The following SP4 variants were observed in gnomAD, a reference collection of about 807,000 sequenced individuals.
SP4 encodes Sp4 transcription factor.
SP4 carries 19 observed loss-of-function variants against 72.8 expected under a neutral mutation model. The observed-to-expected ratio is 0.26, with a 90% confidence interval of 0.18 to 0.38. SP4 has a LOEUF of 0.38. SP4 is among the 10% of genes least tolerant of loss of function. The pLI is 1.00. For missense variants in SP4, 1,008 were observed against 926.3 expected (o/e 1.09, Z -1.14); for synonymous variants, 395 against 333.1 (o/e 1.19, Z -2.02).
intron 5 of SP4, among the ~76,000 whole-genome samples, chr7:21,495,835 A>C (rs929029196): frequency 6.6e-6 from 1 of 152,114 alleles, no homozygotes; most frequent in Non-Finnish European, 1.5e-5. Flanking sequence ...TTTATTTATT[A>C]CTCAAAATTG....
chr7:21,479,303 A>C (rs1784608815), intron 4 of SP4, among the ~76,000 whole-genome samples: 1 of 150,438 alleles, frequency 6.6e-6, no homozygotes, highest in Non-Finnish European at 1.5e-5. Context: ...TTTTACTCTT[A>C]CATTTAGGTC....
chr7:21,439,077 G>A (rs1463559891), intron 3 of SP4, among the ~76,000 whole-genome samples: 1 of 152,180 alleles, frequency 6.6e-6, no homozygotes, highest in Non-Finnish European at 1.5e-5. Context: ...TGGTTTCAGG[G>A]ATCCAGTGGG....
chr7:21,454,423 A>G (rs1783698622), intron 3 of SP4, among the ~76,000 whole-genome samples: 1 of 151,138 alleles, frequency 6.6e-6, no homozygotes, highest in Non-Finnish European at 1.5e-5. Context: ...TGGCTTGAAC[A>G]TCCCTCTTTT....
chr7:21,466,001 C>T (rs1380101143), intron 3 of SP4, among the ~76,000 whole-genome samples: 1 of 152,158 alleles, frequency 6.6e-6, no homozygotes, highest in Admixed American at 6.5e-5. Flanking sequence ...CTTCCCACTG[C>T]CTTCCCATTT....
At chr7:21,460,823 C>T (rs1347778094) in intron 3 of SP4, among the ~76,000 whole-genome samples, 2 of 152,012 alleles carry the variant, frequency 1.3e-5, no homozygotes, top group African/African-American at 2.4e-5. Context: ...CTGATTGGTG[C>T]ATTTACAAAC....
At chr7:21,457,764 TC>T (rs1328106569) in intron 3 of SP4, among the ~76,000 whole-genome samples, 2 of 152,098 alleles carry the variant, frequency 1.3e-5, no homozygotes, top group East Asian at 3.9e-4. Context: ...TATTTTTTTT[TC>T]AATAGGGGTG....
rs777097505 is a variant in SP4, at chr7:21,428,222, C to G, written c.-30C>G. ...CCCACCCACCTCTATCCCAGTGTCTCCGTCTGAGGGTTTGTCCTGTTAATG... is the reference window on the plus strand; with the variant it reads ...CCCACCCACCTCTATCCCAGTGTCTGCGTCTGAGGGTTTGTCCTGTTAATG... On this transcript the variant is annotated 5_prime_UTR_variant, in exon 1 of 6. Coordinates refer to ENST00000222584, the MANE Select transcript of SP4 (RefSeq NM_003112.5). 4.6e-6 allele frequency: 5 copies of G among 1,084,954 alleles called. No homozygotes were observed. In the African/African-American group the frequency reaches 6.7e-5, roughly 15 times the overall value. The allele number at this position is 1,084,954 out of a possible 1,614,324, so 67.2% of individuals were successfully genotyped here. A position where few individuals can be genotyped will look rare whatever the true frequency, so the allele number is the denominator to read the frequency against.
At chr7:21,485,405 A>G (rs1784786788) in intron 5 of SP4, among the ~76,000 whole-genome samples, 1 of 151,964 alleles carries the variant, frequency 6.6e-6, no homozygotes, top group South Asian at 2.1e-4. Context: ...AGAAAAGTTT[A>G]CTGTAATAAG....
chr7:21,487,076 T>C (rs560886281), intron 5 of SP4, among the ~76,000 whole-genome samples: 2 of 152,348 alleles, frequency 1.3e-5, no homozygotes, highest in Non-Finnish European at 2.9e-5. Context: ...TTTATTTACA[T>C]TGGTATGGTC....
At chr7:21,475,672 C>T (rs1784479488) in intron 3 of SP4, among the ~76,000 whole-genome samples, 1 of 152,040 alleles carries the variant, frequency 6.6e-6, no homozygotes, top group African/African-American at 2.4e-5. Context: ...ACCATGTTAG[C>T]CAGGATGGTC....
chr7:21,462,926 A>G (rs1188974168), intron 3 of SP4, among the ~76,000 whole-genome samples: 1 of 152,262 alleles, frequency 6.6e-6, no homozygotes, highest in East Asian at 1.9e-4. Flanking sequence ...GCTGTTCAAT[A>G]TGAAAGCCGT....
intron 5 of SP4, among the ~76,000 whole-genome samples, chr7:21,489,281 A>G (rs1226938868): frequency 6.6e-6 from 1 of 152,214 alleles, no homozygotes; most frequent in Non-Finnish European, 1.5e-5. Flanking sequence ...ATCAAAACAG[A>G]TGAAACAGAA....
At chr7:21,438,256 G>T (rs1783115244) in intron 3 of SP4, among the ~76,000 whole-genome samples, 1 of 152,008 alleles carries the variant, frequency 6.6e-6, no homozygotes, top group Non-Finnish European at 1.5e-5. Context: ...AAAATTTAAG[G>T]TCTATGAAAT....
At position 21,445,982 on chromosome 7, in the gene SP4, ATGTGTATG is replaced by A. The variant is rs747934670; in HGVS notation, c.1678+15145_1678+15152del. Among the ~76,000 whole-genome samples the A allele has an allele frequency of 7.0e-3, 710 of 100,918 alleles. 2 individuals are homozygous for A. The highest frequency in any genetic ancestry group is 0.025 in the African/African-American group (627 of 24,704). 66.2% of individuals were successfully genotyped at this position (100,918 alleles called of 152,430 possible). On this transcript the variant is annotated intron_variant, in intron 3 of 5. Coordinates refer to ENST00000222584, the MANE Select transcript of SP4 (RefSeq NM_003112.5). ...TGATCGAGTTCATTTTGTGTATCTT[ATGTGTATG>A]TGTGTGTGTGTGTGTGTGTGTGTGT... is the stretch of plus-strand genomic sequence containing the variant.
intron 5 of SP4, chr7:21,482,828 G>GCAAA: frequency 2.5e-5 from 21 of 850,980 alleles, no homozygotes; most frequent in South Asian, 5.4e-5. Context: ...GTACATATAT[G>GCAAA]TATATTTGCA....
chr7:21,493,014 A>G (rs1204133314), intron 5 of SP4, among the ~76,000 whole-genome samples: 1 of 152,178 alleles, frequency 6.6e-6, no homozygotes, highest in Non-Finnish European at 1.5e-5. Flanking sequence ...AGCCTGGCCA[A>G]CATGGTGAAA....
intron 3 of SP4, among the ~76,000 whole-genome samples, chr7:21,474,622 C>A (rs954121439): frequency 6.6e-6 from 1 of 152,126 alleles, no homozygotes; most frequent in Non-Finnish European, 1.5e-5. Context: ...ATTTATATAG[C>A]CTTTACCCCT....
At chr7:21,431,528 A>C (rs1782854233) in intron 3 of SP4, among the ~76,000 whole-genome samples, 1 of 152,216 alleles carries the variant, frequency 6.6e-6, no homozygotes, top group South Asian at 2.1e-4. Context: ...GTTTAATGTA[A>C]GGTTGGTGGA....
At chr7:21,488,479 C>CTTTTTT (rs59893862) in intron 5 of SP4, among the ~76,000 whole-genome samples, 50 of 133,124 alleles carry the variant, frequency 3.8e-4, no homozygotes, top group African/African-American at 7.3e-4. Flanking sequence ...ACTTCCTTTC[C>CTTTTTT]TTTTTTTTTT....
Sources: gnomAD v4.1 joint callset for allele counts (sites outside exome capture counted in the v4.1 genomes callset) on GRCh38, gnomAD v4.1.1 for gene constraint, MANE v1.5 for transcripts, NCBI Gene and HGNC (gene_info 2026-07-23, HGNC 2026-07-21) for gene names.